ENOX1: variants seen among roughly 807,000 people sequenced by gnomAD.
ENOX1 encodes candidate growth-related and time keeping constitutive hydroquinone (NADH) oxidase.
Under a neutral mutation model 82.5 loss-of-function variants are expected in ENOX1, and 42 were observed. That is an observed-to-expected ratio of 0.51 (90% CI 0.40 to 0.66). The LOEUF is 0.66. Ranked by LOEUF, ENOX1 falls within the 30% of genes least tolerant of loss-of-function variation. The pLI is 0.00. For synonymous variants in ENOX1, 271 were observed against 282.2 expected, an observed-to-expected ratio of 0.96 and a Z score of 0.40; for missense variants, 608 against 811.6, an observed-to-expected ratio of 0.75 and a Z score of 3.05.
chr13:43,681,738 G>A (rs939806429), intron 1 of ENOX1, among the ~76,000 whole-genome samples: 1 of 145,468 alleles, frequency 6.9e-6, no homozygotes, highest in Non-Finnish European at 1.5e-5. Context: ...CACACTATCA[G>A]GAGGCACTTA....
At chr13:43,580,928 G>T (rs1349192243) in intron 2 of ENOX1, among the ~76,000 whole-genome samples, 1 of 152,114 alleles carries the variant, frequency 6.6e-6, no homozygotes, top group Non-Finnish European at 1.5e-5. Flanking sequence ...AATATAGTTT[G>T]TCCTTTAGGA....
chr13:43,444,847 G>A (rs1004510407), intron 3 of ENOX1, among the ~76,000 whole-genome samples: 1 of 152,194 alleles, frequency 6.6e-6, no homozygotes, highest in Non-Finnish European at 1.5e-5. Flanking sequence ...AAAGAAGATG[G>A]TTTGTTGGAT....
In ENOX1 at chr13:43,695,955, C is replaced by A. The variant is rs1279655427; in HGVS notation, c.-284-28411G>T. ...CATCAGTAGTCACTCCCCATCCCCCCACTACAACCCATGATAACTACTACT... is the reference window on the plus strand; with the variant it reads ...CATCAGTAGTCACTCCCCATCCCCCAACTACAACCCATGATAACTACTACT... On this transcript the variant is annotated intron_variant, in intron 1 of 16. Transcript: ENST00000690772. 2.0e-5 allele frequency among the ~76,000 whole-genome samples: 3 copies of A among 152,244 alleles called. No homozygotes were observed. The Middle Eastern group carries it at 0.01, about 518-fold the overall frequency.
At chr13:43,708,724 C>A (rs1241477092) in intron 1 of ENOX1, among the ~76,000 whole-genome samples, 1 of 152,052 alleles carries the variant, frequency 6.6e-6, no homozygotes, top group Non-Finnish European at 1.5e-5. Context: ...ATAGGCCTCA[C>A]AATATATAGG....
rs556416229 is a variant in ENOX1 at position 43,643,615 on chromosome 13, ATG to A, written c.-219+23862_-219+23863del. 2.3e-4 allele frequency among the ~76,000 whole-genome samples: 35 copies of A among 150,416 alleles called. No homozygotes were observed. In the East Asian group the frequency reaches 6.8e-3, roughly 29 times the overall value. ...ACATCCTGTATGTATGTGCATGTATATGTATGTATGTGTGTGTGTATATATAT... is the reference window on the plus strand; with the variant it reads ...ACATCCTGTATGTATGTGCATGTATATATGTATGTGTGTGTGTATATATAT... On this transcript the variant is annotated intron_variant, in intron 2 of 16. Coordinates refer to ENST00000690772, the MANE Select transcript of ENOX1 (RefSeq NM_001347969.2).
At chr13:43,404,391 T>C (rs1191566877) in intron 5 of ENOX1, among the ~76,000 whole-genome samples, 1 of 152,178 alleles carries the variant, frequency 6.6e-6, no homozygotes, top group Admixed American at 6.5e-5. Context: ...TCATCTCAGG[T>C]CTTTGAACAG....
chr13:43,277,681 G>A (rs947870115), intron 12 of ENOX1, among the ~76,000 whole-genome samples: 3 of 152,198 alleles, frequency 2.0e-5, no homozygotes, highest in African/African-American at 7.2e-5. Flanking sequence ...CACAGGCTGT[G>A]TGTTCGCTAG....
intron 1 of ENOX1, among the ~76,000 whole-genome samples, chr13:43,768,507 T>C (rs1320303740): frequency 6.6e-6 from 1 of 152,116 alleles, no homozygotes; most frequent in Non-Finnish European, 1.5e-5. Flanking sequence ...CTTGCAGTCT[T>C]AGCTACTTGG....
At chr13:43,707,658 G>A (rs982185443) in intron 1 of ENOX1, among the ~76,000 whole-genome samples, 14 of 149,650 alleles carry the variant, frequency 9.4e-5, no homozygotes, top group Admixed American at 6.0e-4. Flanking sequence ...GCGTGAACCC[G>A]GGAGGTGGAG....
rs1254973408 is a variant in ENOX1, at chr13:43,404,785, AG to A, written c.208+7130del. Among the ~76,000 whole-genome samples the A allele has an allele frequency of 3.9e-5, 6 of 152,330 alleles. No individual in the cohort carries two copies. The East Asian group carries it at 1.2e-3, about 29-fold the overall frequency. On this transcript the variant is annotated intron_variant, in intron 5 of 16. Coordinates refer to ENST00000690772, the MANE Select transcript of ENOX1 (RefSeq NM_001347969.2). ...AATGTCCTAATGTCCTGGGGAAGAA[AG>A]GGTAAGTAAATGCATAGAGTGTAAC...
intron 1 of ENOX1, among the ~76,000 whole-genome samples, chr13:43,718,676 C>CAAAAAAAA (rs61671392): frequency 2.7e-4 from 15 of 55,592 alleles, no homozygotes; most frequent in African/African-American, 6.3e-4. Flanking sequence ...GACTCCGTCT[C>CAAAAAAAA]AAAAAAAAAA....
chr13:43,483,940 A>G, intron 3 of ENOX1, 69 bp downstream of exon 3: 2 of 903,624 alleles, frequency 2.2e-6, no homozygotes, highest in Non-Finnish European at 2.6e-6. Context: ...GAGTACAAAT[A>G]TTTTCCATTA....
intron 3 of ENOX1, among the ~76,000 whole-genome samples, chr13:43,439,894 G>T (rs539434153): frequency 1.3e-5 from 2 of 152,224 alleles, no homozygotes; most frequent in South Asian, 4.1e-4. Context: ...TTTTCAATAT[G>T]CCTATAGGTA....
At chr13:43,765,854 T>C (rs576228210) in intron 1 of ENOX1, among the ~76,000 whole-genome samples, 1 of 152,332 alleles carries the variant, frequency 6.6e-6, no homozygotes, top group East Asian at 1.9e-4. Context: ...AAGATAGTAA[T>C]GTTAAAAAGT....
At chr13:43,637,128 CT>C (rs2083443398) in intron 2 of ENOX1, among the ~76,000 whole-genome samples, 1 of 152,144 alleles carries the variant, frequency 6.6e-6, no homozygotes, top group South Asian at 2.1e-4. Flanking sequence ...ATGGAGAAAA[CT>C]GTACCTTTCA....
At chr13:43,352,169 T>C (rs1238849461) in intron 8 of ENOX1, among the ~76,000 whole-genome samples, 1 of 152,206 alleles carries the variant, frequency 6.6e-6, no homozygotes, top group Non-Finnish European at 1.5e-5. Context: ...AGTCCAGTTC[T>C]CTGGAAATTA....
intron 7 of ENOX1, among the ~76,000 whole-genome samples, chr13:43,356,642 T>C (rs1436345255): frequency 1.3e-5 from 2 of 152,204 alleles, no homozygotes; most frequent in Non-Finnish European, 2.9e-5. Flanking sequence ...ACAAAGTGAA[T>C]TCCAGACACC....
chr13:43,529,080 C>T (rs751890017), intron 2 of ENOX1, among the ~76,000 whole-genome samples: 3 of 151,804 alleles, frequency 2.0e-5, no homozygotes, highest in Non-Finnish European at 4.4e-5. Context: ...TCATAGAAAC[C>T]GTGTTACAGT....
Position 43,650,147 on chromosome 13 carries a change from C to G in ENOX1, c.-219+17332G>C, listed in dbSNP as rs2084089970. On this transcript the variant is annotated intron_variant, in intron 2 of 16. Transcript: ENST00000690772. ...CTCACCATCAGGGAAGCCATTTCCACTCTTGAGCCTTGCTTTTTCAAAACA... is the reference window on the plus strand; with the variant it reads ...CTCACCATCAGGGAAGCCATTTCCAGTCTTGAGCCTTGCTTTTTCAAAACA... Among the ~76,000 whole-genome samples, 3 of 152,190 alleles carry G rather than the reference C, an allele frequency of 2.0e-5. No homozygotes were observed. In the South Asian group the frequency reaches 6.2e-4, roughly 32 times the overall value.
Sources: gnomAD v4.1 joint callset for allele counts (sites outside exome capture counted in the v4.1 genomes callset) on GRCh38, gnomAD v4.1.1 for gene constraint, MANE v1.5 for transcripts, NCBI Gene and HGNC (gene_info 2026-07-23, HGNC 2026-07-21) for gene names.